The following TTF1 variants were observed in gnomAD, a reference collection of about 807,000 sequenced individuals.
The protein encoded by TTF1 is transcription termination factor 1.
A neutral mutation model predicts 80.2 loss-of-function variants in TTF1; 64 were observed. The ratio of observed to expected loss-of-function variants is 0.80; its 90% CI spans 0.65 to 0.98. The LOEUF (loss-of-function observed/expected upper bound fraction) is 0.98, where lower values mean the gene tolerates loss of function less well. TTF1 is among the 50% of genes least tolerant of loss of function. The probability of loss-of-function intolerance (pLI) is 0.00; values close to 1 mark genes in which losing one functional copy is unlikely to be tolerated. For missense variants in TTF1, 1,023 were observed against 1,086.2 expected, an observed-to-expected ratio of 0.94 and a Z score of 0.82; for synonymous variants, 372 against 382.7, an observed-to-expected ratio of 0.97 and a Z score of 0.33.
rs867802410 is a variant in TTF1 at position 132,377,479 on chromosome 9, A to G, written c.2465-1311T>C. On this transcript the variant is annotated intron_variant, in intron 10 of 10. Transcript: ENST00000334270. ...GTGTGAGTGCATGTGGTGTGTGTGAATGCATGTGGTGTGTGTGAGTGCATG... is the reference window on the plus strand; with the variant it reads ...GTGTGAGTGCATGTGGTGTGTGTGAGTGCATGTGGTGTGTGTGAGTGCATG... Among the ~76,000 whole-genome samples the G allele has an allele frequency of 8.9e-3, 185 of 20,842 alleles. 3 individuals carry two copies. Among genetic ancestry groups the G allele is most frequent in the South Asian group, 0.016 (4 of 244 alleles). The allele number at this position is 20,842 out of a possible 152,430, so 13.7% of individuals were successfully genotyped here. A position where few individuals can be genotyped will look rare whatever the true frequency, so the allele number is the denominator to read the frequency against.
At chr9:132,376,753 C>T (rs966423659) in intron 10 of TTF1, among the ~76,000 whole-genome samples, 2 of 151,670 alleles carry the variant, frequency 1.3e-5, no homozygotes, top group Non-Finnish European at 2.9e-5. Flanking sequence ...CCTGGAACTC[C>T]CAGGATCAAG....
At chr9:132,378,921 A>T in intron 10 of TTF1, 138 bp downstream of exon 10, 3 of 595,898 alleles carry the variant, frequency 5.0e-6, no homozygotes, top group Non-Finnish European at 8.6e-6. Flanking sequence ...GATAGGGATT[A>T]TAATCTGCCT....
Position 132,402,364 on chromosome 9 carries a change from G to A in TTF1, c.458C>T (p.Ala153Val), listed in dbSNP as rs1849783197. ...DKFQVLAKSH[A>V]HKSEALHSKV... ...ACTGTGCAGGGCTTCTGATTTATGT[G>A]CATGTGACTTAGCAAGTACCTGAAA... Residue 153 changes from alanine to valine, a missense_variant, in exon 2 of 11, where the codon GCA (alanine) becomes GTA (valine). Ala to Val is a moderately conservative substitution (Grantham distance 64). Coordinates refer to ENST00000334270, the MANE Select transcript of TTF1 (RefSeq NM_007344.4). 6.2e-7 allele frequency: 1 copy of A among 1,614,102 alleles called. No individual in the cohort carries two copies.
intron 5 of TTF1, among the ~76,000 whole-genome samples, chr9:132,392,900 C>T (rs952630940): frequency 8.5e-5 from 13 of 152,170 alleles, no homozygotes; most frequent in African/African-American, 2.2e-4. Flanking sequence ...CATTTCAACA[C>T]GTCATCAGTA....
chr9:132,381,492 A>G, intron 9 of TTF1, among the ~76,000 whole-genome samples: 1 of 152,106 alleles, frequency 6.6e-6, no homozygotes, highest in Non-Finnish European at 1.5e-5. Context: ...GCCCGGCCGA[A>G]AAGTTGAATT....
intron 4 of TTF1, among the ~76,000 whole-genome samples, chr9:132,397,121 T>A (rs1387547424): frequency 6.6e-6 from 1 of 152,200 alleles, no homozygotes; most frequent in African/African-American, 2.4e-5. Context: ...ACCCTGAGGC[T>A]TCAGCTTCCG....
At chr9:132,391,763 C>A (rs1849562839) in intron 6 of TTF1, among the ~76,000 whole-genome samples, 1 of 152,228 alleles carries the variant, frequency 6.6e-6, no homozygotes, top group Admixed American at 6.5e-5. Context: ...GTGTCCCGTG[C>A]CACTGCGGGG....
rs1160404532 is a variant in TTF1, at chr9:132,375,914, C to T, written c.*1G>A. The stretch of plus-strand genomic sequence containing the variant: ...GTCAGGCCGGTCTCGAACTCCTGAC[C>T]TCAGATGATCCACCGGCCTTGGCCT... On this transcript the variant is annotated 3_prime_UTR_variant, in exon 11 of 11. Coordinates refer to ENST00000334270, the MANE Select transcript of TTF1 (RefSeq NM_007344.4). 6.4e-7 allele frequency: 1 copy of T among 1,558,420 alleles called. No individual in the cohort carries two copies. Among genetic ancestry groups the T allele is most frequent in the South Asian group, 1.1e-5 (1 of 88,430 alleles).
chr9:132,379,034 C>T (rs748033634), intron 10 of TTF1, 25 bp downstream of exon 10: 3 of 1,554,262 alleles, frequency 1.9e-6, no homozygotes, highest in East Asian at 2.3e-5. Flanking sequence ...ATGTTCTTAG[C>T]CATATAAATA....
rs141751698 is a variant in TTF1, at chr9:132,401,882, C to G, written c.940G>C (p.Val314Leu). The G allele has an allele frequency of 1.1e-3, 1,781 of 1,611,250 alleles. 23 individuals are homozygous for G. In the African/African-American group the frequency reaches 0.02, roughly 19 times the overall value. The change falls in exon 2 of 11, where the codon GTG becomes CTG. Residue 314 changes from valine to leucine, a missense_variant. Transcript: ENST00000334270. Reference protein sequence around the residue: ...GADMQESRPAVGLHGETAGIP... With the variant: ...GADMQESRPALGLHGETAGIP... Reference sequence around the variant, plus strand: ...CCTGCAGTTTCACCATGCAGGCCCACAGCAGGCCGGGATTCCTGCATATCA... The same window carrying G: ...CCTGCAGTTTCACCATGCAGGCCCAGAGCAGGCCGGGATTCCTGCATATCA...
At position 132,402,337 on chromosome 9, in the gene TTF1, T is replaced by C. The variant is rs757221550; in HGVS notation, c.485A>G (p.Lys162Arg). The C allele has an allele frequency of 6.2e-7, 1 of 1,614,032 alleles. No homozygotes were observed. The highest frequency in any genetic ancestry group is 1.3e-5 in the African/African-American group (1 of 74,906). Residue 162 changes from lysine (K) to arginine (R), a missense_variant, in exon 2 of 11, where the codon AAA (lysine) becomes AGA (arginine). Physicochemically the swap from Lys to Arg is conservative, Grantham distance 26. Transcript: ENST00000334270. ...HAHKSEALHS[K>R]VREKKNKKHQ... ...CTTTTTATTCTTTTTCTCCCTAACT[T>C]TACTGTGCAGGGCTTCTGATTTATG...
chr9:132,397,197 G>A (rs991955138), intron 4 of TTF1, among the ~76,000 whole-genome samples: 1 of 152,182 alleles, frequency 6.6e-6, no homozygotes, highest in Non-Finnish European at 1.5e-5. Flanking sequence ...TGAATTAAGA[G>A]GAAGAGAACA....
chr9:132,402,293 A>T lies in TTF1; in HGVS notation c.529T>A (p.Ser177Thr), dbSNP rs751477572. 1.9e-6 allele frequency: 3 copies of T among 1,613,924 alleles called. No individual in the cohort carries two copies. Among genetic ancestry groups the T allele is most frequent in the Non-Finnish European group, 1.7e-6 (2 of 1,179,988 alleles). ...KNKKHQRKAA[S>T]WESQRARDTL... Reference sequence around the variant, plus strand: ...TCCCTTGCCCGCTGGCTCTCCCAGGATGCAGCTTTCCTCTGATGCTTTTTA... The same window carrying T: ...TCCCTTGCCCGCTGGCTCTCCCAGGTTGCAGCTTTCCTCTGATGCTTTTTA... The change falls in exon 2 of 11, where the codon TCC becomes ACC. Residue 177 changes from serine to threonine, a missense_variant. Coordinates refer to ENST00000334270, the MANE Select transcript of TTF1 (RefSeq NM_007344.4).
intron 4 of TTF1, 27 bp from the exon 5 acceptor site, chr9:132,396,538 G>A (rs770069654): frequency 1.9e-6 from 3 of 1,602,574 alleles, no homozygotes; most frequent in Non-Finnish European, 2.6e-6. Context: ...GGTGATCAGA[G>A]GGACTCACAT....
At chr9:132,388,342 C>CTTTT in intron 7 of TTF1, 114 bp from the exon 8 acceptor site, 1 of 518,222 alleles carries the variant, frequency 1.9e-6, no homozygotes, top group Non-Finnish European at 3.1e-6. Context: ...TCTAACTTTT[C>CTTTT]TTTTTTTTTT....
At chr9:132,397,921 G>A (rs1849682249) in intron 4 of TTF1, among the ~76,000 whole-genome samples, 1 of 152,090 alleles carries the variant, frequency 6.6e-6, no homozygotes, top group Non-Finnish European at 1.5e-5. Context: ...CAGAGGTGGA[G>A]GTTGCAGTGA....
intron 5 of TTF1, among the ~76,000 whole-genome samples, chr9:132,395,764 G>A (rs1849637140): frequency 6.6e-6 from 1 of 152,224 alleles, no homozygotes; most frequent in Non-Finnish European, 1.5e-5. Context: ...CTCTCAGAGA[G>A]AGGTCAAGCA....
intron 8 of TTF1, among the ~76,000 whole-genome samples, chr9:132,387,531 C>G (rs917466172): frequency 6.6e-6 from 1 of 152,158 alleles, no homozygotes; most frequent in Non-Finnish European, 1.5e-5. Flanking sequence ...TTAGGCAGGG[C>G]TCACGTGTGA....
intron 7 of TTF1, among the ~76,000 whole-genome samples, chr9:132,389,494 C>T (rs1354295985): frequency 2.6e-5 from 4 of 152,064 alleles, no homozygotes; most frequent in Admixed American, 1.3e-4. Context: ...ACTCTTCCTT[C>T]TTTTAGCTAA....
Sources: allele counts gnomAD v4.1 joint callset (sites outside exome capture counted in the v4.1 genomes callset), GRCh38; gene constraint gnomAD v4.1.1; transcripts MANE v1.5; gene names NCBI Gene and HGNC (gene_info 2026-07-23, HGNC 2026-07-21).